The following PCDHA7 variants were observed in gnomAD, a reference collection of about 807,000 sequenced individuals.
PCDHA7 encodes the protein protocadherin alpha 7, also known as protocadherin alpha-7.
A neutral mutation model predicts 57.2 loss-of-function variants in PCDHA7; 37 were observed. The observed-to-expected ratio is 0.65, with a 90% CI of 0.50 to 0.85. PCDHA7 has a LOEUF of 0.85. PCDHA7 is among the 40% of genes least tolerant of loss of function. The probability of loss-of-function intolerance (pLI) is 0.00; values close to 1 mark genes in which losing one functional copy is unlikely to be tolerated. For synonymous variants in PCDHA7, 553 were observed against 558.8 expected (o/e 0.99, Z 0.15); for missense variants, 1,188 against 1,241.8 (o/e 0.96, Z 0.65).
chr5:140,906,239 T>G (rs563566442), intron 1 of PCDHA7, among the ~76,000 whole-genome samples: 5 of 152,314 alleles, frequency 3.3e-5, no homozygotes, highest in Admixed American at 1.3e-4. Context: ...CCTTGTCAAC[T>G]TGAACCCATA....
chr5:140,858,449 G>A, intron 1 of PCDHA7: 3 of 1,532,030 alleles, frequency 2.0e-6, no homozygotes, highest in African/African-American at 2.8e-5. Context: ...GGGTTATTAC[G>A]TTTTCATTTT....
intron 1 of PCDHA7, among the ~76,000 whole-genome samples, chr5:140,838,075 ATAGTGTGTGT>A (rs2150283218): frequency 0.079 from 10,117 of 127,694 alleles, 686 homozygotes; most frequent in African/African-American, 0.19. Flanking sequence ...TTATATATAT[ATAGTGTGTGT>A]GTGTGTGTGT....
At chr5:140,864,277 T>A (rs1203382304) in intron 1 of PCDHA7, 6 of 152,228 alleles carry the variant, frequency 3.9e-5, no homozygotes, top group South Asian at 2.1e-4. Context: ...CTCCATTCCT[T>A]ATTGTTTTTA....
chr5:140,834,878 C>G lies in PCDHA7; in HGVS notation c.495C>G (p.Asn165Lys). 6.2e-7 allele frequency: 1 copy of G among 1,607,956 alleles called. No individual in the cohort carries two copies. Among genetic ancestry groups the G allele is most frequent in the Non-Finnish European group, 8.5e-7 (1 of 1,177,816 alleles). ...EGASDADIGE[N>K]ALLTYRLSPN... ...CGTCCGATGCAGATATCGGGGAGAA[C>G]GCCCTGCTCACTTACAGACTGAGCC... Residue 165 changes from asparagine (N) to lysine (K), a missense_variant, in exon 1 of 4, where the codon AAC becomes AAG. Around this residue, in one of 3 missense-constraint regions of PCDHA7, gnomAD observed 102 missense variants for 267.4 expected, o/e 0.38. Coordinates refer to ENST00000525929, the MANE Select transcript of PCDHA7 (RefSeq NM_018910.3).
intron 1 of PCDHA7, chr5:140,877,567 T>C (rs1487907484): frequency 6.2e-7 from 1 of 1,613,664 alleles, no homozygotes; most frequent in East Asian, 2.2e-5. Context: ...TATTAACGTG[T>C]ACCTCATCAT....
In PCDHA7 at chr5:140,835,497, A is replaced by C; in HGVS notation, c.1114A>C (p.Ile372Leu). The change falls in exon 1 of 4, where the codon ATT (isoleucine) becomes CTT (leucine). Residue 372 changes from isoleucine to leucine, a missense_variant. By Grantham distance (5) the Ile-to-Leu change is conservative. This residue lies in a region of PCDHA7 where 892 missense variants were observed against 788.5 expected (regional missense o/e 1.13). Coordinates refer to ENST00000525929, the MANE Select transcript of PCDHA7 (RefSeq NM_018910.3). ...DAQPGTVITLISVFDRDFGVN... is the reference protein window; with the variant it reads ...DAQPGTVITLLSVFDRDFGVN... ...CCAACCAGGTACCGTCATCACATTG[A>C]TTAGCGTGTTTGACCGAGATTTTGG... 6.2e-7 allele frequency: 1 copy of C among 1,613,910 alleles called. No homozygotes were observed.
chr5:140,838,261 C>T (rs2150150705), intron 1 of PCDHA7, among the ~76,000 whole-genome samples: 1 of 147,022 alleles, frequency 6.8e-6, no homozygotes, highest in African/African-American at 2.5e-5. Context: ...TTAAAGACGC[C>T]AACAACCAAG....
In PCDHA7 at chr5:140,849,965, G is replaced by A. The variant is rs782084624; in HGVS notation, c.2355+13227G>A. Reference sequence around the variant, plus strand: ...CTGACGCGCAGGAGAACGCCCTGGTGTCCTACTCGCTGGTGGAGCGGCGGT... The same window carrying A: ...CTGACGCGCAGGAGAACGCCCTGGTATCCTACTCGCTGGTGGAGCGGCGGT... On this transcript the variant is annotated intron_variant, in intron 1 of 3. Coordinates refer to ENST00000525929, the MANE Select transcript of PCDHA7 (RefSeq NM_018910.3). The A allele has an allele frequency of 1.0e-5, 16 of 1,597,766 alleles. 2 individuals are homozygous for A. Among genetic ancestry groups the A allele is most frequent in the Non-Finnish European group, 1.3e-5 (15 of 1,167,924 alleles).
rs371212960 is a variant in PCDHA7 at position 140,891,914 on chromosome 5, C to T, written c.2355+55176C>T. ...GCAGCAAGAAGATCTTCACCAGATG[C>T]TGGTGCCTTGATCTTGGACTTCCCC... On this transcript the variant is annotated intron_variant, in intron 1 of 3. Transcript: ENST00000525929. Among the ~76,000 whole-genome samples the T allele has an allele frequency of 2.6e-3, 395 of 152,328 alleles. 2 individuals carry two copies. The highest frequency in any genetic ancestry group is 9.2e-3 in the African/African-American group (384 of 41,572).
At chr5:140,970,156 T>C (rs933887683) in intron 1 of PCDHA7, among the ~76,000 whole-genome samples, 6 of 152,188 alleles carry the variant, frequency 3.9e-5, no homozygotes, top group African/African-American at 1.4e-4. Context: ...CTCCCAATAG[T>C]CACCTTTCTT....
intron 1 of PCDHA7, among the ~76,000 whole-genome samples, chr5:140,844,656 C>T (rs1473422243): frequency 6.7e-6 from 1 of 149,316 alleles, no homozygotes; most frequent in African/African-American, 2.5e-5. Flanking sequence ...TTCTTGCAAA[C>T]CAAACATATA....
intron 1 of PCDHA7, chr5:140,842,102 G>C (rs1777709784): frequency 1.9e-6 from 3 of 1,613,894 alleles, no homozygotes; most frequent in East Asian, 4.5e-5. Context: ...CGGAACAACA[G>C]TTATCAAACT....
chr5:140,884,662 G>C lies in PCDHA7; in HGVS notation c.2355+47924G>C, dbSNP rs372022274. On this transcript the variant is annotated intron_variant, in intron 1 of 3. Transcript: ENST00000525929. ...AGGAGGACTCAGAATGCTTGAAAGA[G>C]GTAAGCTTATATTTTAAAAAATTGT... is the stretch of plus-strand genomic sequence containing the variant. 11 of 1,589,820 alleles carry C rather than the reference G, an allele frequency of 6.9e-6. No homozygotes were observed. In the African/African-American group the frequency reaches 9.4e-5, roughly 14 times the overall value.
chr5:140,845,350 T>C (rs1779833131), intron 1 of PCDHA7, among the ~76,000 whole-genome samples: 1 of 149,732 alleles, frequency 6.7e-6, no homozygotes, highest in South Asian at 2.1e-4. Context: ...AAACATTTAA[T>C]TGACTTTTAC....
In PCDHA7 at chr5:141,002,220, G is replaced by GC. The variant is rs1319895049; in HGVS notation, c.2504-7407_2504-7406insC. ...AGTCCCCGGCTTTAATCAAAATGAT[G>GC]GGTTTTCTGGAAGCTCTTTATTAAC... On this transcript the variant is annotated intron_variant, in intron 3 of 3. Coordinates refer to ENST00000525929, the MANE Select transcript of PCDHA7 (RefSeq NM_018910.3). Among the ~76,000 whole-genome samples, 33 of 152,196 alleles carry GC rather than the reference G, an allele frequency of 2.2e-4. 1 individual carries two copies. Among genetic ancestry groups the GC allele is most frequent in the Admixed American group, 1.0e-3 (16 of 15,274 alleles).
intron 1 of PCDHA7, chr5:140,928,156 T>G (rs1554205560): frequency 6.2e-7 from 1 of 1,614,188 alleles, no homozygotes; most frequent in East Asian, 2.2e-5. Context: ...AGATAGTGGC[T>G]CACCCCCACT....
intron 3 of PCDHA7, among the ~76,000 whole-genome samples, chr5:140,997,287 A>G (rs1011963664): frequency 2.0e-5 from 3 of 152,280 alleles, no homozygotes; most frequent in Admixed American, 1.3e-4. Context: ...TCACTTAACA[A>G]TGGGGATACA....
At position 140,836,981 on chromosome 5, in the gene PCDHA7, G is replaced by A. The variant is rs183710042; in HGVS notation, c.2355+243G>A. ...TGTTGGCTACTCTCCATTTTTGGAG[G>A]AGGACTTTGCTAACTGGAGCAATGG... On this transcript the variant is annotated intron_variant, in intron 1 of 3. Coordinates refer to ENST00000525929, the MANE Select transcript of PCDHA7 (RefSeq NM_018910.3). 6.9e-5 allele frequency: 25 copies of A among 364,912 alleles called. 1 individual carries two copies. The highest frequency in any genetic ancestry group is 8.2e-5 in the Non-Finnish European group (17 of 207,076). The allele number at this position is 364,912 out of a possible 1,614,324, so 22.6% of individuals were successfully genotyped here.
At chr5:140,862,948 G>T (rs782222335) in intron 1 of PCDHA7, 1 of 543,712 alleles carries the variant, frequency 1.8e-6, no homozygotes, top group South Asian at 1.4e-5. Context: ...GTGAGCTGGT[G>T]CGGTATTCAG....
Sources: gnomAD v4.1 joint callset for allele counts (sites outside exome capture counted in the v4.1 genomes callset) on GRCh38, gnomAD v4.1.1 for gene constraint, gnomAD v4.1.1 regional missense constraint, MANE v1.5 for transcripts, NCBI Gene and HGNC (gene_info 2026-07-23, HGNC 2026-07-21) for gene names.